The following PDE1C variants were observed in gnomAD, a reference collection of about 807,000 sequenced individuals.
The protein encoded by PDE1C is dual specificity calcium/calmodulin-dependent 3',5'-cyclic nucleotide phosphodiesterase 1C.
A neutral mutation model predicts 93.1 loss-of-function variants in PDE1C; 62 were observed. The ratio of observed to expected loss-of-function variants is 0.67; its 90% CI spans 0.54 to 0.82. PDE1C has a LOEUF of 0.82. Among genes scored for constraint, PDE1C ranks in the 40% least tolerant of loss-of-function variants. The pLI is 0.00. For missense variants in PDE1C, 742 were observed against 884.6 expected (o/e 0.84, Z 2.04); for synonymous variants, 325 against 310.1 (o/e 1.05, Z -0.50).
chr7:31,688,554 TC>T, the PDE1C span, among the ~76,000 whole-genome samples: 1,520 of 152,308 alleles, frequency 1.0e-2, 21 homozygotes, highest in African/African-American at 0.033. Context: ...CCCAGTTCCT[TC>T]CCCCTTTCAG....
intron 16 of PDE1C, among the ~76,000 whole-genome samples, chr7:31,780,322 G>A (rs1783309566): frequency 6.6e-6 from 1 of 152,126 alleles, no homozygotes; most frequent in Non-Finnish European, 1.5e-5. Flanking sequence ...TGTGAATCTT[G>A]TAAATGGTTT....
At chr7:32,231,328 C>T (rs115493096) in intron 1 of PDE1C, among the ~76,000 whole-genome samples, 2,107 of 152,168 alleles carry the variant, frequency 0.014, 53 homozygotes, top group African/African-American at 0.046. Flanking sequence ...CACACACACA[C>T]GCGCACGTGC....
the PDE1C span, among the ~76,000 whole-genome samples, chr7:31,625,093 G>A: frequency 6.6e-6 from 1 of 152,176 alleles, no homozygotes; most frequent in African/African-American, 2.4e-5. Context: ...ACACCAGTTA[G>A]AATGGCAATC....
chr7:31,882,672 C>A (rs1392414920), intron 2 of PDE1C, among the ~76,000 whole-genome samples: 2 of 152,146 alleles, frequency 1.3e-5, no homozygotes, highest in African/African-American at 4.8e-5. Flanking sequence ...CTTAAAAATG[C>A]CTCTCTCCAT....
At chr7:32,020,438 A>G (rs572911704) in intron 2 of PDE1C, among the ~76,000 whole-genome samples, 1 of 152,134 alleles carries the variant, frequency 6.6e-6, no homozygotes, top group African/African-American at 2.4e-5. Context: ...TATAAATTCT[A>G]AATTTATTTT....
chr7:31,628,752 G>A, the PDE1C span, among the ~76,000 whole-genome samples: 1 of 152,116 alleles, frequency 6.6e-6, no homozygotes, highest in African/African-American at 2.4e-5. Flanking sequence ...CACCGCGCCC[G>A]GCCTGAGCGT....
chr7:31,717,051 C>A, the PDE1C span, among the ~76,000 whole-genome samples: 2 of 152,158 alleles, frequency 1.3e-5, no homozygotes, highest in Non-Finnish European at 2.9e-5. Flanking sequence ...AACTTGGAAA[C>A]CTGACAATTT....
chr7:32,073,939 TA>T, upstream of PDE1C, among the ~76,000 whole-genome samples: 1 of 152,362 alleles, frequency 6.6e-6, no homozygotes, highest in South Asian at 2.1e-4. Flanking sequence ...GATTTTTCAG[TA>T]AAACTGTTTA....
chr7:31,674,038 C>T, the PDE1C span, among the ~76,000 whole-genome samples: 1 of 152,128 alleles, frequency 6.6e-6, no homozygotes, highest in African/African-American at 2.4e-5. Flanking sequence ...CAGTAAATTG[C>T]ACAAATCTTA....
intron 1 of PDE1C, among the ~76,000 whole-genome samples, chr7:32,252,148 CTTA>C (rs1809440754): frequency 6.6e-6 from 1 of 152,198 alleles, no homozygotes; most frequent in African/African-American, 2.4e-5. Flanking sequence ...CTCTGACCTG[CTTA>C]CTTTTAGTCA....
chr7:32,412,830 C>T (rs80239266), intron 1 of PDE1C, among the ~76,000 whole-genome samples: 23 of 152,222 alleles, frequency 1.5e-4, no homozygotes, highest in Non-Finnish European at 3.2e-4. Context: ...TCATAGAAAG[C>T]TTGCACAATA....
chr7:32,085,758 T>A (rs970218369), intron 3 of PDE1C, among the ~76,000 whole-genome samples: 33 of 151,614 alleles, frequency 2.2e-4, no homozygotes, highest in Non-Finnish European at 1.2e-4. Context: ...AAAACCACAT[T>A]ATTATCTCAA....
At chr7:31,730,509 A>T in the PDE1C span, among the ~76,000 whole-genome samples, 1 of 152,158 alleles carries the variant, frequency 6.6e-6, no homozygotes, top group African/African-American at 2.4e-5. Context: ...ATCTGATTCC[A>T]TCCATCTGAG....
chr7:31,886,851 TTTCAGAATAGATCTATTCGGATCTA>T (rs796114328), intron 2 of PDE1C, among the ~76,000 whole-genome samples: 8 of 10,624 alleles, frequency 7.5e-4, no homozygotes, highest in Admixed American at 1.2e-3. Flanking sequence ...TTTCGGATCT[TTTCAGAATAGATCTATTCGGATCTA>T]TTCAGGGGCG....
intron 1 of PDE1C, among the ~76,000 whole-genome samples, chr7:32,244,900 C>T (rs897851960): frequency 1.3e-5 from 2 of 152,200 alleles, no homozygotes; most frequent in African/African-American, 4.8e-5. Flanking sequence ...AGTTGGTGAG[C>T]ACACTGCCTA....
chr7:32,427,726 C>A (rs1290516588), intron 1 of PDE1C, among the ~76,000 whole-genome samples: 2 of 152,202 alleles, frequency 1.3e-5, no homozygotes, highest in African/African-American at 4.8e-5. Flanking sequence ...GGACGAGAAA[C>A]GGGAAATCCT....
chr7:32,259,425 A>T (rs1207488252), intron 1 of PDE1C, among the ~76,000 whole-genome samples: 1 of 152,174 alleles, frequency 6.6e-6, no homozygotes, highest in Admixed American at 6.5e-5. Flanking sequence ...GGCCCCGGCA[A>T]GTCTCTGCTC....
chr7:32,107,023 A>T (rs1032770747), intron 3 of PDE1C, among the ~76,000 whole-genome samples: 10 of 151,934 alleles, frequency 6.6e-5, no homozygotes, highest in Admixed American at 1.3e-4. Context: ...AAATTTTAAA[A>T]AACAGTGTAA....
the PDE1C span, among the ~76,000 whole-genome samples, chr7:31,698,483 C>T: frequency 6.6e-6 from 1 of 152,176 alleles, no homozygotes; most frequent in Non-Finnish European, 1.5e-5. Context: ...GTTTCTTTCA[C>T]ACACACACAT....
Sources: gnomAD v4.1 joint callset for allele counts (sites outside exome capture counted in the v4.1 genomes callset) on GRCh38, gnomAD v4.1.1 for gene constraint, MANE v1.5 for transcripts, NCBI Gene and HGNC (gene_info 2026-07-23, HGNC 2026-07-21) for gene names.